The following GRID1 variants were observed in gnomAD, a reference collection of about 807,000 sequenced individuals.
The protein encoded by GRID1 is glutamate receptor ionotropic, delta-1.
A neutral mutation model predicts 98.0 loss-of-function variants in GRID1; 28 were observed. The observed-to-expected ratio is 0.29, with a 90% confidence interval of 0.21 to 0.39. The LOEUF (loss-of-function observed/expected upper bound fraction) is 0.39, where lower values mean the gene tolerates loss of function less well. GRID1 is among the 10% of genes least tolerant of loss of function. GRID1 has a pLI of 1.00. For synonymous variants in GRID1, 553 were observed against 538.5 expected, an observed-to-expected ratio of 1.03 and a Z score of -0.37; for missense variants, 1,111 against 1,340.5, an observed-to-expected ratio of 0.83 and a Z score of 2.67.
chr10:86,080,125 G>A (rs1314289174), intron 4 of GRID1, among the ~76,000 whole-genome samples: 1 of 152,058 alleles, frequency 6.6e-6, no homozygotes, highest in Admixed American at 6.6e-5. Flanking sequence ...CCTGAGGTCA[G>A]GAGTTCGAGA....
intron 12 of GRID1, among the ~76,000 whole-genome samples, chr10:85,674,467 T>C (rs2132587992): frequency 6.6e-6 from 1 of 152,314 alleles, no homozygotes; most frequent in Non-Finnish European, 1.5e-5. Context: ...GAAAAGCTTA[T>C]ATTATATCTT....
At chr10:85,814,737 AATAG>A (rs1317056427) in intron 8 of GRID1, among the ~76,000 whole-genome samples, 3 of 152,030 alleles carry the variant, frequency 2.0e-5, no homozygotes, top group Admixed American at 6.5e-5. Context: ...CTTAAGAAGA[AATAG>A]ATAATGAGAT....
intron 8 of GRID1, among the ~76,000 whole-genome samples, chr10:85,741,763 C>T (rs12570260): frequency 6.6e-6 from 1 of 152,046 alleles, no homozygotes; most frequent in East Asian, 1.9e-4. Context: ...TAAGACTCAC[C>T]AAGACCTGAT....
At chr10:85,955,530 A>G (rs1277708040) in intron 4 of GRID1, among the ~76,000 whole-genome samples, 1 of 152,130 alleles carries the variant, frequency 6.6e-6, no homozygotes, top group Non-Finnish European at 1.5e-5. Context: ...TGAGAACATG[A>G]ATTCAGCCTC....
chr10:85,755,565 A>G (rs1842088621), intron 8 of GRID1, among the ~76,000 whole-genome samples: 1 of 152,206 alleles, frequency 6.6e-6, no homozygotes, highest in Non-Finnish European at 1.5e-5. Flanking sequence ...GACTCTTCTG[A>G]AAGGTAAGAG....
chr10:86,111,851 C>A (rs1434686786), intron 4 of GRID1, among the ~76,000 whole-genome samples: 1 of 152,182 alleles, frequency 6.6e-6, no homozygotes, highest in Admixed American at 6.5e-5. Context: ...TGGAAAGTGC[C>A]ATTGTTTGCA....
chr10:86,304,884 G>C (rs1847738273), intron 2 of GRID1, among the ~76,000 whole-genome samples: 2 of 152,100 alleles, frequency 1.3e-5, no homozygotes, highest in Non-Finnish European at 2.9e-5. Context: ...ATCTGGGTTA[G>C]AGCAGTACTT....
At position 86,099,195 on chromosome 10, in the gene GRID1, C is replaced by T. The variant is rs115395701; in HGVS notation, c.726+39624G>A. On this transcript the variant is annotated intron_variant, in intron 4 of 15. Coordinates refer to ENST00000327946, the MANE Select transcript of GRID1 (RefSeq NM_017551.3). Reference sequence around the variant, plus strand: ...GTGGTTCTGAGTCCACATCTATAACCCAGCTCTGCCATCCCCAGGGATAAC... The same window carrying T: ...GTGGTTCTGAGTCCACATCTATAACTCAGCTCTGCCATCCCCAGGGATAAC... Among the ~76,000 whole-genome samples, 699 of 152,310 alleles carry T rather than the reference C, an allele frequency of 4.6e-3. 6 individuals carry two copies. The highest frequency in any genetic ancestry group is 0.016 in the African/African-American group (668 of 41,566).
intron 4 of GRID1, among the ~76,000 whole-genome samples, chr10:86,125,506 T>A (rs1344390887): frequency 1.3e-5 from 2 of 152,176 alleles, no homozygotes; most frequent in African/African-American, 2.4e-5. Flanking sequence ...GTTAAAGAGC[T>A]CAGTTCACAT....
rs56397748 is a variant in GRID1, at chr10:85,737,715, T to TTATA, written c.1234-8105_1234-8102dup. Among the ~76,000 whole-genome samples the TTATA allele has an allele frequency of 3.3e-4, 44 of 131,366 alleles. 2 individuals carry two copies. Among genetic ancestry groups the TTATA allele is most frequent in the East Asian group, 2.5e-3 (12 of 4,880 alleles). 86.2% of individuals were successfully genotyped at this position (131,366 alleles called of 152,430 possible). On this transcript the variant is annotated intron_variant, in intron 8 of 15. Coordinates refer to ENST00000327946, the MANE Select transcript of GRID1 (RefSeq NM_017551.3). ...ATATATATATATATAACATACATGT[T>TTATA]TATATATATATAACCATGTATTATA...
At chr10:85,986,882 G>C (rs949217137) in intron 4 of GRID1, among the ~76,000 whole-genome samples, 2 of 152,136 alleles carry the variant, frequency 1.3e-5, no homozygotes, top group Non-Finnish European at 2.9e-5. Flanking sequence ...AGTCTGTTCT[G>C]CTCTGTTCAT....
At chr10:86,333,034 C>T (rs902419787) in intron 2 of GRID1, among the ~76,000 whole-genome samples, 11 of 152,208 alleles carry the variant, frequency 7.2e-5, no homozygotes, top group African/African-American at 2.7e-4. Flanking sequence ...CTCCTCTCTG[C>T]TATCAGTATG....
chr10:86,216,009 G>A (rs11201945), intron 2 of GRID1, among the ~76,000 whole-genome samples: 32,153 of 152,014 alleles, frequency 0.21, 3,502 homozygotes, highest in South Asian at 0.35. Context: ...ATCTTTGCAC[G>A]TGCTGATTCC....
intron 2 of GRID1, among the ~76,000 whole-genome samples, chr10:86,309,521 T>C (rs938974064): frequency 2.0e-5 from 3 of 152,210 alleles, no homozygotes; most frequent in African/African-American, 7.2e-5. Context: ...CCCGCAGGCA[T>C]TGTTTCAACA....
chr10:85,865,429 G>A (rs2131789027), intron 6 of GRID1, among the ~76,000 whole-genome samples: 1 of 152,260 alleles, frequency 6.6e-6, no homozygotes, highest in South Asian at 2.1e-4. Context: ...AGAAGCTAAG[G>A]GATGGATACT....
intron 8 of GRID1, among the ~76,000 whole-genome samples, chr10:85,752,108 G>C (rs921214081): frequency 7.9e-5 from 12 of 152,210 alleles, no homozygotes; most frequent in Admixed American, 2.0e-4. Flanking sequence ...CCTCTTGAGT[G>C]TATCTTTATG....
chr10:85,910,134 T>C (rs1398044716), intron 5 of GRID1, among the ~76,000 whole-genome samples: 1 of 152,188 alleles, frequency 6.6e-6, no homozygotes, highest in East Asian at 1.9e-4. Flanking sequence ...AAAAAGATTA[T>C]GACAAACGTA....
chr10:85,885,948 A>G (rs1435972645), intron 5 of GRID1, among the ~76,000 whole-genome samples: 3 of 152,228 alleles, frequency 2.0e-5, no homozygotes, highest in African/African-American at 7.2e-5. Context: ...TAACCAGCAG[A>G]TCTGGTGCCT....
At chr10:85,785,068 C>T (rs1842414753) in intron 8 of GRID1, among the ~76,000 whole-genome samples, 1 of 152,172 alleles carries the variant, frequency 6.6e-6, no homozygotes, top group African/African-American at 2.4e-5. Flanking sequence ...GGCTTCTGAA[C>T]CAGTCATTTG....
Sources: allele counts gnomAD v4.1 joint callset (sites outside exome capture counted in the v4.1 genomes callset), GRCh38; gene constraint gnomAD v4.1.1; transcripts MANE v1.5; gene names NCBI Gene and HGNC (gene_info 2026-07-23, HGNC 2026-07-21).